Variants in PTPRD observed in about 807,000 individuals in gnomAD.
PTPRD encodes the protein receptor-type tyrosine-protein phosphatase delta.
Under a neutral mutation model 214.5 loss-of-function variants are expected in PTPRD, and 34 were observed. That is an observed-to-expected ratio of 0.16 (90% CI 0.12 to 0.21). The LOEUF is 0.21. PTPRD is among the 10% of genes least tolerant of loss of function. The pLI, the probability that PTPRD is intolerant of heterozygous loss-of-function variation, is 1.00. For synonymous variants in PTPRD, 1,128 were observed against 845.7 expected, an observed-to-expected ratio of 1.33 and a Z score of -5.79; for missense variants, 2,545 against 2,398.7, an observed-to-expected ratio of 1.06 and a Z score of -1.27.
intron 10 of PTPRD, among the ~76,000 whole-genome samples, chr9:9,088,490 G>A (rs1044180045): frequency 1.4e-5 from 2 of 142,194 alleles, no homozygotes; most frequent in South Asian, 4.8e-4. Flanking sequence ...TGAGGCATGA[G>A]ATTTGTTTGA....
intron 14 of PTPRD, among the ~76,000 whole-genome samples, chr9:8,603,951 G>C (rs1012712141): frequency 1.3e-5 from 2 of 152,124 alleles, no homozygotes; most frequent in Admixed American, 1.3e-4. Flanking sequence ...TATCAACCAT[G>C]CCTCAAAGTT....
chr9:9,664,453 T>A (rs2154382137), intron 7 of PTPRD, among the ~76,000 whole-genome samples: 1 of 151,768 alleles, frequency 6.6e-6, no homozygotes, highest in Non-Finnish European at 1.5e-5. Context: ...AGAAACCAGA[T>A]CTGACATATC....
chr9:8,462,199 T>G (rs1056380625), intron 32 of PTPRD, among the ~76,000 whole-genome samples: 40 of 151,966 alleles, frequency 2.6e-4, no homozygotes, highest in African/African-American at 9.7e-4. Flanking sequence ...CCTCCTCACT[T>G]CCCAAATTCT....
intron 2 of PTPRD, among the ~76,000 whole-genome samples, chr9:10,518,658 A>T (rs975281804): frequency 6.6e-6 from 1 of 151,496 alleles, no homozygotes; most frequent in African/African-American, 2.4e-5. Context: ...TCAGCCTCCC[A>T]AGTAGCTGGG....
chr9:9,482,313 G>C (rs1218790472), intron 8 of PTPRD, among the ~76,000 whole-genome samples: 2 of 152,116 alleles, frequency 1.3e-5, no homozygotes, highest in Non-Finnish European at 2.9e-5. Flanking sequence ...TTTTAACCTA[G>C]AATTCTAGAG....
intron 8 of PTPRD, among the ~76,000 whole-genome samples, chr9:9,447,117 A>G (rs932000695): frequency 1.3e-5 from 2 of 152,154 alleles, no homozygotes; most frequent in African/African-American, 4.8e-5. Flanking sequence ...AGATTCCTCA[A>G]AGACCAAAAA....
At chr9:8,920,301 A>C (rs1275171072) in intron 11 of PTPRD, among the ~76,000 whole-genome samples, 1 of 152,124 alleles carries the variant, frequency 6.6e-6, no homozygotes, top group Non-Finnish European at 1.5e-5. Context: ...AGATTGCACC[A>C]CTGTACTTCA....
chr9:10,394,139 TAAAG>T (rs1217177331), intron 2 of PTPRD, among the ~76,000 whole-genome samples: 32 of 141,624 alleles, frequency 2.3e-4, no homozygotes, highest in Admixed American at 7.8e-4. Context: ...TATCTTTATA[TAAAG>T]ATATCTATAT....
At chr9:9,631,991 A>C (rs138682275) in intron 7 of PTPRD, among the ~76,000 whole-genome samples, 298 of 152,352 alleles carry the variant, frequency 2.0e-3, no homozygotes, top group Non-Finnish European at 3.5e-3. Flanking sequence ...AGGGTTTAAC[A>C]ATAAAGTGAA....
intron 40 of PTPRD, 129 bp from the exon 41 acceptor site, chr9:8,341,397 T>C: frequency 9.8e-7 from 1 of 1,019,884 alleles, no homozygotes; most frequent in Non-Finnish European, 1.4e-6. Flanking sequence ...AAATGACTAT[T>C]CAAATTGTAC....
chr9:8,900,952 G>A (rs1252769397), intron 11 of PTPRD, among the ~76,000 whole-genome samples: 16 of 152,108 alleles, frequency 1.1e-4, no homozygotes, highest in Non-Finnish European at 4.4e-5. Context: ...AGTAATAAAT[G>A]TCTTGCTGAC....
chr9:10,312,684 G>T (rs778893781), intron 3 of PTPRD, among the ~76,000 whole-genome samples: 3 of 151,694 alleles, frequency 2.0e-5, no homozygotes, highest in Admixed American at 6.6e-5. Context: ...ATAAAAGCAT[G>T]ACAAACATAT....
At chr9:9,464,401 T>G (rs147736697) in intron 8 of PTPRD, among the ~76,000 whole-genome samples, 4 of 152,306 alleles carry the variant, frequency 2.6e-5, no homozygotes, top group Non-Finnish European at 4.4e-5. Flanking sequence ...TAGATTTGTA[T>G]AGTTACTATC....
At chr9:10,100,915 G>A (rs1275456392) in intron 3 of PTPRD, among the ~76,000 whole-genome samples, 1 of 151,612 alleles carries the variant, frequency 6.6e-6, no homozygotes, top group Non-Finnish European at 1.5e-5. Flanking sequence ...AGCATACTGA[G>A]ATAACGAAAA....
At chr9:9,332,717 G>A (rs1159500155) in intron 9 of PTPRD, among the ~76,000 whole-genome samples, 2 of 151,684 alleles carry the variant, frequency 1.3e-5, no homozygotes, top group South Asian at 2.1e-4. Flanking sequence ...TGCTTATACT[G>A]AGATGGAAAT....
At chr9:9,389,160 G>C (rs765211197) in intron 9 of PTPRD, among the ~76,000 whole-genome samples, 50 of 152,252 alleles carry the variant, frequency 3.3e-4, no homozygotes, top group Non-Finnish European at 6.0e-4. Context: ...ATGTAAAATA[G>C]GGGTAATATA....
chr9:10,163,394 T>C lies in PTPRD; in HGVS notation c.-544-129604A>G, dbSNP rs75468858. ...AACAAAAACCATCCTTTAACTGTTA[T>C]AACATTTTAAAATATTTGCATTAGA... On this transcript the variant is annotated intron_variant, in intron 3 of 45. Transcript: ENST00000381196. 2.6e-3 allele frequency among the ~76,000 whole-genome samples: 393 copies of C among 151,536 alleles called. 2 individuals carry two copies. Among genetic ancestry groups the C allele is most frequent in the Non-Finnish European group, 4.6e-3 (310 of 67,446 alleles).
intron 8 of PTPRD, among the ~76,000 whole-genome samples, chr9:9,467,576 G>C (rs530558029): frequency 1.1e-3 from 37 of 34,268 alleles, no homozygotes; most frequent in African/African-American, 3.0e-3. Flanking sequence ...GACAGAGCGG[G>C]ACTCCATCTC....
intron 8 of PTPRD, among the ~76,000 whole-genome samples, chr9:9,483,299 T>C (rs1041922388): frequency 2.6e-5 from 4 of 152,162 alleles, no homozygotes; most frequent in South Asian, 2.1e-4. Context: ...AGTAATTTCA[T>C]ACAGCAAGTA....
Sources: gnomAD v4.1 joint callset for allele counts (sites outside exome capture counted in the v4.1 genomes callset) on GRCh38, gnomAD v4.1.1 for gene constraint, MANE v1.5 for transcripts, NCBI Gene and HGNC (gene_info 2026-07-23, HGNC 2026-07-21) for gene names.